ASAP1: variants seen among roughly 807,000 people sequenced by gnomAD.
ASAP1 encodes the protein arf-GAP with SH3 domain, ANK repeat and PH domain-containing protein 1.
In ASAP1, 43 loss-of-function variants were observed where a neutral mutation model predicts 145.2. The observed-to-expected ratio is 0.30, with a 90% CI of 0.23 to 0.38. The LOEUF is 0.38. Among genes scored for constraint, ASAP1 ranks in the 10% least tolerant of loss-of-function variants. The probability of loss-of-function intolerance (pLI) is 1.00; values close to 1 mark genes in which losing one functional copy is unlikely to be tolerated. For synonymous variants in ASAP1, 546 were observed against 515.5 expected (o/e 1.06, Z -0.80); for missense variants, 1,018 against 1,355.3 (o/e 0.75, Z 3.91).
At chr8:130,202,659 A>G (rs2136323439) in intron 5 of ASAP1, among the ~76,000 whole-genome samples, 1 of 152,222 alleles carries the variant, frequency 6.6e-6, no homozygotes, top group East Asian at 1.9e-4. Context: ...TACGGCTCAG[A>G]TAAAGGGTAC....
In ASAP1 at chr8:130,057,996, T is replaced by C. The variant is rs2097408021; in HGVS notation, c.3273A>G (p.Gly1091=). 6.2e-7 allele frequency: 1 copy of C among 1,614,264 alleles called. No homozygotes were observed. The highest frequency in any genetic ancestry group is 8.5e-7 in the Non-Finnish European group (1 of 1,180,044). ...CTTCCCCTGTGACGATAATCACTTCTCCCTCGATGAATGTGAGCTCGTCAT... is the reference window on the plus strand; with the variant it reads ...CTTCCCCTGTGACGATAATCACTTCCCCCTCGATGAATGTGAGCTCGTCAT... ...DNDDELTFIE[G]EVIIVTGEED... The change falls in exon 29 of 30, where the codon GGA becomes GGG. Residue 1091 remains glycine, a synonymous_variant. Coordinates refer to ENST00000518721, the MANE Select transcript of ASAP1 (RefSeq NM_018482.4).
intron 9 of ASAP1, among the ~76,000 whole-genome samples, chr8:130,176,865 C>T (rs767172401): frequency 1.3e-5 from 2 of 151,886 alleles, no homozygotes; most frequent in Non-Finnish European, 2.9e-5. Flanking sequence ...TAATTTTGTA[C>T]TTTTAGTAGA....
intron 3 of ASAP1, among the ~76,000 whole-genome samples, chr8:130,347,640 C>A (rs563071737): frequency 3.9e-5 from 6 of 152,252 alleles, no homozygotes; most frequent in Admixed American, 1.3e-4. Context: ...TTAGCCCCAC[C>A]CATCACATAA....
At chr8:130,426,682 T>C (rs1167143966) in intron 1 of ASAP1, among the ~76,000 whole-genome samples, 2 of 152,156 alleles carry the variant, frequency 1.3e-5, no homozygotes. Context: ...CTAGGAATCG[T>C]TTCTCCCCAA....
intron 3 of ASAP1, among the ~76,000 whole-genome samples, chr8:130,345,175 CAG>C (rs1432734401): frequency 6.6e-6 from 1 of 152,180 alleles, no homozygotes; most frequent in African/African-American, 2.4e-5. Flanking sequence ...TATATTATAA[CAG>C]AGCGCAGAAA....
At chr8:130,404,127 G>A (rs554826871) in intron 1 of ASAP1, among the ~76,000 whole-genome samples, 1 of 152,318 alleles carries the variant, frequency 6.6e-6, no homozygotes, top group Admixed American at 6.5e-5. Flanking sequence ...CAAAGATTGT[G>A]TTTGGATTTG....
intron 3 of ASAP1, among the ~76,000 whole-genome samples, chr8:130,295,692 T>C (rs745801811): frequency 6.6e-6 from 1 of 152,288 alleles, no homozygotes; most frequent in Admixed American, 6.5e-5. Flanking sequence ...ATGATGTGCA[T>C]GAGGTGGACT....
intron 3 of ASAP1, among the ~76,000 whole-genome samples, chr8:130,238,434 C>G (rs571185519): frequency 1.3e-5 from 2 of 152,242 alleles, no homozygotes; most frequent in East Asian, 3.9e-4. Flanking sequence ...GCATATGTCA[C>G]TGTTAACCTT....
chr8:130,397,045 A>C (rs899558187), intron 2 of ASAP1, among the ~76,000 whole-genome samples: 4 of 152,134 alleles, frequency 2.6e-5, no homozygotes, highest in Admixed American at 2.6e-4. Context: ...CTTGTTCTTT[A>C]TTCCCTTGGA....
chr8:130,138,147 T>C (rs1343361804), intron 13 of ASAP1, among the ~76,000 whole-genome samples: 1 of 152,182 alleles, frequency 6.6e-6, no homozygotes, highest in Non-Finnish European at 1.5e-5. Flanking sequence ...ACAACAGAGA[T>C]GGCATACAAT....
At chr8:130,268,619 C>T (rs772938872) in intron 3 of ASAP1, among the ~76,000 whole-genome samples, 26 of 151,308 alleles carry the variant, frequency 1.7e-4, no homozygotes, top group Non-Finnish European at 1.6e-4. Flanking sequence ...AAGATGGTAA[C>T]GGTTAAAACA....
intron 25 of ASAP1, among the ~76,000 whole-genome samples, chr8:130,081,029 T>C (rs1034837492): frequency 6.6e-6 from 1 of 152,256 alleles, no homozygotes; most frequent in African/African-American, 2.4e-5. Flanking sequence ...TCACAGAGCT[T>C]ATGCTCTGGC....
Position 130,112,335 on chromosome 8 carries a change from A to G in ASAP1, c.2173-13T>C, listed in dbSNP as rs1564972335. Reference sequence around the variant, plus strand: ...TGATAGGGCTTGGCTGGCAGATGAAATAAGAAGGTGAGATAATAATCAAGG... The same window carrying G: ...TGATAGGGCTTGGCTGGCAGATGAAGTAAGAAGGTGAGATAATAATCAAGG... On this transcript the variant is annotated splice_polypyrimidine_tract_variant and intron_variant, in intron 23 of 29. Transcript: ENST00000518721. 1 of 1,611,002 alleles carries G rather than the reference A, an allele frequency of 6.2e-7. No individual in the cohort carries two copies. The highest frequency in any genetic ancestry group is 8.5e-7 in the Non-Finnish European group (1 of 1,177,480).
At chr8:130,425,285 TTGTG>T (rs1829874985) in intron 1 of ASAP1, among the ~76,000 whole-genome samples, 2 of 152,040 alleles carry the variant, frequency 1.3e-5, no homozygotes, top group Non-Finnish European at 2.9e-5. Context: ...TGAGGTGAGA[TTGTG>T]CCACTGCACT....
At chr8:130,182,411 A>C (rs1313098857) in intron 7 of ASAP1, among the ~76,000 whole-genome samples, 4 of 152,214 alleles carry the variant, frequency 2.6e-5, no homozygotes, top group African/African-American at 9.6e-5. Context: ...TGTCTCCCTC[A>C]CTTACATAGC....
At chr8:130,088,296 A>G (rs2097498178) in intron 25 of ASAP1, among the ~76,000 whole-genome samples, 1 of 151,994 alleles carries the variant, frequency 6.6e-6, no homozygotes, top group African/African-American at 2.4e-5. Flanking sequence ...ATGCCCAGCT[A>G]ATTTTGTATT....
At position 130,168,992 on chromosome 8, in the gene ASAP1, A is replaced by G; in HGVS notation, c.822T>C (p.Asn274=). The G allele has an allele frequency of 1.3e-6, 2 of 1,548,676 alleles. No homozygotes were observed. ...TGCATGTATTTTATAAAGAACTTAC[A>G]TTATATAAATCAGCAGCCAGTTTTT... is the stretch of plus-strand genomic sequence containing the variant. ...YIEKLAADLY[N]IKQTQDEEKK... is the part of the protein sequence containing the mutation. The change falls in exon 10 of 30, where the codon AAT becomes AAC. Residue 274 remains asparagine (N), a splice_region_variant and synonymous_variant. Transcript: ENST00000518721.
intron 1 of ASAP1, among the ~76,000 whole-genome samples, chr8:130,415,684 A>G (rs1216795069): frequency 6.7e-6 from 1 of 150,142 alleles, no homozygotes; most frequent in East Asian, 2.1e-4. Flanking sequence ...CCTACTCGGG[A>G]GGCTTAGGCA....
At chr8:130,408,052 G>C (rs1804724247) in intron 1 of ASAP1, among the ~76,000 whole-genome samples, 1 of 152,200 alleles carries the variant, frequency 6.6e-6, no homozygotes, top group African/African-American at 2.4e-5. Context: ...TAAGCGATCA[G>C]AAGCCCAACT....
Sources: allele counts gnomAD v4.1 joint callset (sites outside exome capture counted in the v4.1 genomes callset), GRCh38; gene constraint gnomAD v4.1.1; transcripts MANE v1.5; gene names NCBI Gene and HGNC (gene_info 2026-07-23, HGNC 2026-07-21).